Variants in MFSD11 observed in about 807,000 individuals in gnomAD.
MFSD11 encodes the protein major facilitator superfamily domain containing 11.
A neutral mutation model predicts 53.5 loss-of-function variants in MFSD11; 36 were observed. The ratio of observed to expected loss-of-function variants is 0.67; its 90% confidence interval spans 0.52 to 0.89. The LOEUF (loss-of-function observed/expected upper bound fraction) is 0.89, where lower values mean the gene tolerates loss of function less well. MFSD11 is among the 40% of genes least tolerant of loss of function. MFSD11 has a pLI of 0.00. For synonymous variants in MFSD11, 186 were observed against 184.9 expected (o/e 1.01, Z -0.05); for missense variants, 530 against 543.9 (o/e 0.97, Z 0.25).
chr17:76,780,806 G>A (rs936219533), downstream of MFSD11, among the ~76,000 whole-genome samples: 12 of 152,126 alleles, frequency 7.9e-5, no homozygotes, highest in Non-Finnish European at 5.9e-5. Context: ...GAGCCACTGC[G>A]CCCAGCGGCT....
chr17:76,793,900 G>GA, the MFSD11 span, among the ~76,000 whole-genome samples: 1 of 151,256 alleles, frequency 6.6e-6, no homozygotes, highest in Non-Finnish European at 1.5e-5. Flanking sequence ...TTGGGACAAA[G>GA]ATTCAGTCTG....
intron 8 of MFSD11, among the ~76,000 whole-genome samples, chr17:76,759,756 C>CCTTT (rs2080015206): frequency 3.7e-5 from 1 of 27,006 alleles, no homozygotes; most frequent in African/African-American, 1.6e-4. Context: ...CGTGACCGGC[C>CCTTT]TTTTTTTTTT....
intron 8 of MFSD11, among the ~76,000 whole-genome samples, chr17:76,765,452 C>CTTTTTTTTTTTTT (rs59878271): frequency 2.2e-5 from 2 of 91,470 alleles, no homozygotes; most frequent in Non-Finnish European, 4.4e-5. Flanking sequence ...CTTGAATTTC[C>CTTTTTTTTTTTTT]TTTTTTTTTT....
intron 7 of MFSD11, chr17:76,745,375 C>G (rs975727736): frequency 6.6e-6 from 1 of 152,222 alleles, no homozygotes; most frequent in Non-Finnish European, 1.5e-5. Flanking sequence ...CTTTCTTGCT[C>G]TTTATTGTGC....
intron 7 of MFSD11, among the ~76,000 whole-genome samples, chr17:76,750,371 T>TG (rs1327530435): frequency 6.8e-6 from 1 of 147,766 alleles, no homozygotes; most frequent in Non-Finnish European, 1.5e-5. Context: ...GTAATTTTTT[T>TG]TTTTTTTTTT....
chr17:76,781,988 A>ATTTTTTTTTT (rs57536397), downstream of MFSD11, among the ~76,000 whole-genome samples: 351 of 137,408 alleles, frequency 2.6e-3, 5 homozygotes, highest in Middle Eastern at 0.011. Context: ...TGCCTGGATA[A>ATTTTTTTTTT]TTTTTTTTTT....
chr17:76,737,457 C>A (rs889788922), upstream of MFSD11: 7 of 371,860 alleles, frequency 1.9e-5, no homozygotes, highest in African/African-American at 1.2e-4. Flanking sequence ...GCCGCGCGCC[C>A]CGCCCCTACC....
At chr17:76,756,637 G>C (rs2079660342) in intron 8 of MFSD11, among the ~76,000 whole-genome samples, 2 of 151,952 alleles carry the variant, frequency 1.3e-5, no homozygotes. Context: ...GAGGTGGGAG[G>C]ATCACTTGAG....
At chr17:76,763,035 T>C (rs116700112) in intron 8 of MFSD11, among the ~76,000 whole-genome samples, 131 of 152,286 alleles carry the variant, frequency 8.6e-4, no homozygotes, top group African/African-American at 2.9e-3. Flanking sequence ...CCATCCTGAC[T>C]GAACTCCCCC....
intron 7 of MFSD11, among the ~76,000 whole-genome samples, chr17:76,750,364 ATTTT>A (rs1256470874): frequency 8.1e-6 from 1 of 123,662 alleles, no homozygotes; most frequent in Non-Finnish European, 1.7e-5. Context: ...TGTGTTAGTA[ATTTT>A]TTTTTTTTTT....
At position 76,775,105 on chromosome 17, in the gene MFSD11, A is replaced by G. The variant is rs761060745; in HGVS notation, c.983A>G (p.Asn328Ser). The G allele has an allele frequency of 1.2e-6, 2 of 1,614,058 alleles. No individual in the cohort carries two copies. Among genetic ancestry groups the G allele is most frequent in the Admixed American group, 1.7e-5 (1 of 60,010 alleles). Residue 328 changes from asparagine (N) to serine (S), a missense_variant, in exon 11 of 13, where the codon AAC becomes AGC. Asn to Ser is a conservative substitution (Grantham distance 46). Transcript: ENST00000685175. Reference protein sequence around the residue: ...HFIAFYLIFLNMPGDAPIAPV... With the variant: ...HFIAFYLIFLSMPGDAPIAPV... Reference sequence around the variant, plus strand: ...ATAGCTTTTTATCTAATATTTCTCAACATGCCTGGAGATGCCCCGATTGCT... The same window carrying G: ...ATAGCTTTTTATCTAATATTTCTCAGCATGCCTGGAGATGCCCCGATTGCT...
chr17:76,748,417 G>T (rs1568059303), intron 7 of MFSD11, among the ~76,000 whole-genome samples: 1 of 152,140 alleles, frequency 6.6e-6, no homozygotes, highest in Non-Finnish European at 1.5e-5. Context: ...GCTGGGCACA[G>T]TGGCTCCTGC....
At chr17:76,791,774 C>T in the MFSD11 span, among the ~76,000 whole-genome samples, 1 of 149,006 alleles carries the variant, frequency 6.7e-6, no homozygotes, top group African/African-American at 2.5e-5. Flanking sequence ...CCATTTTGGC[C>T]TGTCCCATTA....
At chr17:76,770,787 A>AG (rs1379796122) in intron 10 of MFSD11, among the ~76,000 whole-genome samples, 1 of 152,182 alleles carries the variant, frequency 6.6e-6, no homozygotes, top group East Asian at 1.9e-4. Flanking sequence ...GGAGGTGCAA[A>AG]GGGTGGGGTC....
the MFSD11 span, among the ~76,000 whole-genome samples, chr17:76,792,334 G>A: frequency 6.6e-6 from 1 of 151,188 alleles, no homozygotes; most frequent in African/African-American, 2.5e-5. Context: ...GTCCAGGCTG[G>A]TCTCGAGCTC....
the MFSD11 span, among the ~76,000 whole-genome samples, chr17:76,788,150 C>T: frequency 2.7e-5 from 4 of 149,154 alleles, no homozygotes; most frequent in South Asian, 2.2e-4. Flanking sequence ...AAGAGATTCT[C>T]ATGCCTCAGC....
rs751280438 is a variant in MFSD11 at position 76,740,908 on chromosome 17, G to A, written c.153-49G>A. 15 of 1,059,096 alleles carry A rather than the reference G, an allele frequency of 1.4e-5. No homozygotes were observed. The Admixed American group carries it at 1.8e-4, about 13-fold the overall frequency. The allele number at this position is 1,059,096 out of a possible 1,614,324, so 65.6% of individuals were successfully genotyped here. ...TTTAAACAGTGACACAGCATATAAG[G>A]GCTTTGTTCTTTTTTTTTTTTTTTT... On this transcript the variant is annotated intron_variant, in intron 2 of 12. Transcript: ENST00000685175.
At chr17:76,772,399 C>CA (rs1568110241) in intron 10 of MFSD11, among the ~76,000 whole-genome samples, 2 of 150,034 alleles carry the variant, frequency 1.3e-5, no homozygotes, top group African/African-American at 2.5e-5. Flanking sequence ...GATTCTGTCT[C>CA]AAAAAAACCA....
chr17:76,760,084 A>G lies in MFSD11; in HGVS notation c.682+5997A>G, dbSNP rs2080063495. 1.3e-5 allele frequency among the ~76,000 whole-genome samples: 2 copies of G among 151,108 alleles called. 1 individual carries two copies. Among genetic ancestry groups the G allele is most frequent in the Non-Finnish European group, 2.9e-5 (2 of 67,802 alleles). ...GGAGTTCGAGACCAGCCTGGCCAGC[A>G]TGGCGAAACTCCGTCTCTACTAAAA... On this transcript the variant is annotated intron_variant, in intron 8 of 12. Coordinates refer to ENST00000685175, the MANE Select transcript of MFSD11 (RefSeq NM_001242532.5).
Sources: gnomAD v4.1 joint callset for allele counts (sites outside exome capture counted in the v4.1 genomes callset) on GRCh38, gnomAD v4.1.1 for gene constraint, MANE v1.5 for transcripts, NCBI Gene and HGNC (gene_info 2026-07-23, HGNC 2026-07-21) for gene names.